The following SLC22A25 variants were observed in gnomAD, a reference collection of about 807,000 sequenced individuals.
SLC22A25 encodes the protein solute carrier family 22 member 25.
A neutral mutation model predicts 45.9 loss-of-function variants in SLC22A25; 44 were observed. The observed-to-expected ratio is 0.96, with a 90% confidence interval of 0.75 to 1.23. SLC22A25 has a LOEUF of 1.23. Among genes scored for constraint, SLC22A25 ranks in the 50% most tolerant of loss-of-function variants. The pLI is 0.00. For synonymous variants in SLC22A25, 283 were observed against 238.6 expected (o/e 1.19, Z -1.72); for missense variants, 800 against 666.4 (o/e 1.20, Z -2.21).
At chr11:63,243,382 C>A in intron 1 of SLC22A25, 52 bp downstream of exon 1, 1 of 660,298 alleles carries the variant, frequency 1.5e-6, no homozygotes, top group South Asian at 1.6e-5. Context: ...TGCTGGAGGT[C>A]TGTGAGGAAC....
At chr11:63,189,398 T>C (rs1480734423) in intron 7 of SLC22A25, among the ~76,000 whole-genome samples, 1 of 152,206 alleles carries the variant, frequency 6.6e-6, no homozygotes, top group Non-Finnish European at 1.5e-5. Flanking sequence ...ATTTGCTTGG[T>C]AGATCTTCCT....
chr11:63,193,051 T>A (rs148987740), intron 7 of SLC22A25, among the ~76,000 whole-genome samples: 6 of 152,108 alleles, frequency 3.9e-5, no homozygotes, highest in Admixed American at 2.0e-4. Context: ...TTGCCACATG[T>A]CACATATTCT....
intron 1 of SLC22A25, 60 bp downstream of exon 1, chr11:63,243,374 C>T (rs1273404713): frequency 3.1e-6 from 2 of 638,252 alleles, no homozygotes; most frequent in South Asian, 1.7e-5. Context: ...TTAACTAATG[C>T]TGGAGGTCTG....
intron 9 of SLC22A25, among the ~76,000 whole-genome samples, chr11:63,177,371 TGTGTGTGTGTGTGTC>T (rs879675761): frequency 1.7e-3 from 178 of 107,558 alleles, no homozygotes; most frequent in Non-Finnish European, 2.4e-3. Context: ...TGTGTGTGTG[TGTGTGTGTGTGTGTC>T]GAGAACATTT....
At chr11:63,231,670 T>C (rs536231501) in intron 3 of SLC22A25, among the ~76,000 whole-genome samples, 1 of 151,970 alleles carries the variant, frequency 6.6e-6, no homozygotes, top group African/African-American at 2.4e-5. Context: ...CATTTGTCAA[T>C]TTTGGCATTT....
At chr11:63,184,900 A>C (rs1471891171) in intron 7 of SLC22A25, among the ~76,000 whole-genome samples, 1 of 152,186 alleles carries the variant, frequency 6.6e-6, no homozygotes, top group Non-Finnish European at 1.5e-5. Flanking sequence ...TTGGTTTAGC[A>C]AATGAAAACG....
rs750435033 is a variant in SLC22A25, at chr11:63,229,280, T to G, written c.373A>C (p.Ser125Arg). ...GTCACAATGGTGGAAGGGAAGGAGC[T>G]TTGGTCATATACCCAGCCATCCACA... is the stretch of plus-strand genomic sequence containing the variant. ...PCVDGWVYDQ[S>R]SFPSTIVTKW... Residue 125 changes from serine to arginine, a missense_variant, in exon 4 of 12, where the codon AGC (serine) becomes CGC (arginine). Ser to Arg is a moderately radical substitution (Grantham distance 110). Transcript: ENST00000306494. 6.4e-7 allele frequency: 1 copy of G among 1,559,524 alleles called. No individual in the cohort carries two copies. Among genetic ancestry groups the G allele is most frequent in the East Asian group, 2.3e-5 (1 of 44,324 alleles).
At chr11:63,164,699 T>C in intron 10 of SLC22A25, 65 bp from the exon 11 acceptor site, 15 of 1,338,378 alleles carry the variant, frequency 1.1e-5, no homozygotes, top group Non-Finnish European at 1.4e-5. Flanking sequence ...TCTCCCAAGG[T>C]AGAAGTGAAA....
Position 63,160,552 on chromosome 11 carries a change from G to A in SLC22A25, c.*3272C>T, listed in dbSNP as rs116610366. Among the ~76,000 whole-genome samples the A allele has an allele frequency of 0.011, 1,659 of 152,276 alleles. 24 individuals carry two copies. Among genetic ancestry groups the A allele is most frequent in the African/African-American group, 0.038 (1,560 of 41,558 alleles). The stretch of plus-strand genomic sequence containing the variant: ...CCTCATGGAGAACCTCTGCTTGGGC[G>A]GTGTGAAAGGAAGATGTGGGGTTGA... On this transcript the variant is annotated 3_prime_UTR_variant, in exon 12 of 12. Coordinates refer to ENST00000306494, the MANE Select transcript of SLC22A25 (RefSeq NM_199352.6).
chr11:63,208,493 C>T (rs1292827438), intron 7 of SLC22A25, among the ~76,000 whole-genome samples: 1 of 152,180 alleles, frequency 6.6e-6, no homozygotes, highest in African/African-American at 2.4e-5. Context: ...TGTGTGCGTG[C>T]ATGTAAACCT....
intron 7 of SLC22A25, among the ~76,000 whole-genome samples, chr11:63,199,898 A>C (rs1479903216): frequency 6.6e-6 from 1 of 151,918 alleles, no homozygotes; most frequent in East Asian, 1.9e-4. Context: ...ACTGTGCTGG[A>C]TGTGCCTGCG....
At chr11:63,232,509 G>C (rs1001221133) in intron 3 of SLC22A25, among the ~76,000 whole-genome samples, 10 of 152,122 alleles carry the variant, frequency 6.6e-5, no homozygotes, top group African/African-American at 1.4e-4. Context: ...GCTGAAATTG[G>C]TTATCAGCTT....
intron 3 of SLC22A25, among the ~76,000 whole-genome samples, chr11:63,237,423 C>T (rs1032777513): frequency 6.6e-6 from 1 of 152,134 alleles, no homozygotes; most frequent in South Asian, 2.1e-4. Context: ...TGAAATCCAG[C>T]CCCCATTCTC....
chr11:63,214,896 C>G (rs1328023938), intron 7 of SLC22A25, among the ~76,000 whole-genome samples: 1 of 152,110 alleles, frequency 6.6e-6, no homozygotes, highest in African/African-American at 2.4e-5. Context: ...AATCTCACAT[C>G]AGTTAGAATG....
chr11:63,184,293 C>T (rs1590811414), intron 7 of SLC22A25, among the ~76,000 whole-genome samples: 2 of 152,124 alleles, frequency 1.3e-5, no homozygotes, highest in Non-Finnish European at 2.9e-5. Flanking sequence ...TTACCTAAAT[C>T]TTCCTCAGTT....
At chr11:63,214,068 G>A (rs966697538) in intron 7 of SLC22A25, among the ~76,000 whole-genome samples, 1 of 152,146 alleles carries the variant, frequency 6.6e-6, no homozygotes, top group Non-Finnish European at 1.5e-5. Flanking sequence ...GAACAAGTTG[G>A]TCCATGTTCC....
chr11:63,214,591 C>A (rs1463764389), intron 7 of SLC22A25, among the ~76,000 whole-genome samples: 1 of 152,140 alleles, frequency 6.6e-6, no homozygotes, highest in Non-Finnish European at 1.5e-5. Context: ...AGCTGTGCAG[C>A]TGCAAGGTCA....
At chr11:63,226,183 A>G (rs113170055) in intron 5 of SLC22A25, among the ~76,000 whole-genome samples, 5,128 of 152,116 alleles carry the variant, frequency 0.034, 118 homozygotes, top group Non-Finnish European at 0.056. Flanking sequence ...GATTTCCTAG[A>G]TGGTCTTGAT....
At chr11:63,185,472 C>T (rs921707708) in intron 7 of SLC22A25, among the ~76,000 whole-genome samples, 4 of 151,552 alleles carry the variant, frequency 2.6e-5, no homozygotes, top group African/African-American at 7.3e-5. Context: ...TGAACTCATC[C>T]TTTTTTATGG....
Sources: allele counts gnomAD v4.1 joint callset (sites outside exome capture counted in the v4.1 genomes callset), GRCh38; gene constraint gnomAD v4.1.1; transcripts MANE v1.5; gene names NCBI Gene and HGNC (gene_info 2026-07-23, HGNC 2026-07-21).